The following TMEM255A variants were observed in gnomAD, a reference collection of about 807,000 sequenced individuals.
The protein encoded by TMEM255A is family with sequence similarity 70, member A.
In TMEM255A, 14 loss-of-function variants were observed where a neutral mutation model predicts 23.5. The observed-to-expected ratio is 0.60, with a 90% CI of 0.39 to 0.93. The LOEUF (loss-of-function observed/expected upper bound fraction) is 0.93. TMEM255A is among the 40% of genes least tolerant of loss of function. The probability of loss-of-function intolerance (pLI) is 0.00; values close to 1 mark genes in which losing one functional copy is unlikely to be tolerated. For missense variants in TMEM255A, 233 were observed against 261.7 expected (o/e 0.89, Z 0.76); for synonymous variants, 104 against 100.3 (o/e 1.04, Z -0.22).
intron 4 of TMEM255A, among the ~76,000 whole-genome samples, chrX:120,287,785 A>G (rs1399775492): frequency 1.8e-5 from 2 of 111,822 alleles, no homozygotes; most frequent in Non-Finnish European, 3.8e-5. Context: ...ACTGTGAGCC[A>G]TTTTCACCCA....
intron 1 of TMEM255A, chrX:120,310,161 G>A (rs1556027974): frequency 9.8e-5 from 11 of 111,865 alleles, no homozygotes; most frequent in South Asian, 3.7e-4. Context: ...AGAATGTAAA[G>A]TATGTTGGAA....
chrX:120,271,871 C>G (rs191737814), intron 7 of TMEM255A, among the ~76,000 whole-genome samples: 150 of 112,013 alleles, frequency 1.3e-3, no homozygotes, highest in Non-Finnish European at 2.5e-3. Flanking sequence ...AATGACACTT[C>G]ATCAAAATTA....
rs58027054 is a variant in TMEM255A, at chrX:120,280,418, A to ATT, written c.513-3373_513-3372dup. On this transcript the variant is annotated intron_variant, in intron 6 of 8. Transcript: ENST00000371369. ...TTTGAGTGGTTCCAGCAGCCATTTA[A>ATT]TTTTTTTTTTTCACTGAACCATGAA... Among the ~76,000 whole-genome samples the ATT allele has an allele frequency of 3.8e-3, 405 of 105,787 alleles. 1 individual carries two copies. The highest frequency in any genetic ancestry group is 4.9e-3 in the Non-Finnish European group (249 of 51,337). 91.9% of individuals were successfully genotyped at this position (105,787 alleles called of 115,157 possible).
At chrX:120,251,610 C>G in the TMEM255A span, among the ~76,000 whole-genome samples, 5 of 111,693 alleles carry the variant, frequency 4.5e-5, no homozygotes, top group Non-Finnish European at 9.4e-5. Flanking sequence ...GTTCAGCTGC[C>G]GCAGGGAGCC....
downstream of TMEM255A, chrX:120,255,049 CAG>C (rs2057628924): frequency 1.7e-6 from 2 of 1,211,790 alleles, no homozygotes; most frequent in Non-Finnish European, 1.1e-6. Flanking sequence ...ATTCATCACA[CAG>C]GGGAGCGAAG....
At chrX:120,265,888 T>C (rs1020586000) in intron 8 of TMEM255A, among the ~76,000 whole-genome samples, 2 of 108,185 alleles carry the variant, frequency 1.8e-5, no homozygotes, top group Non-Finnish European at 3.8e-5. Context: ...CTCATGCCTG[T>C]AATCCCAGCA....
At position 120,311,322 on chromosome X, in the gene TMEM255A, C is replaced by A. The variant is rs1556028370; in HGVS notation, c.-13G>T. 4.3e-6 allele frequency: 5 copies of A among 1,168,565 alleles called. No individual in the cohort carries two copies. In the African/African-American group the frequency reaches 8.9e-5, roughly 21 times the overall value. On this transcript the variant is annotated 5_prime_UTR_variant, in exon 1 of 9. Transcript: ENST00000371369. ...GGGACTGATGCATGGTGAAAACTGC[C>A]CGGTTGCCCCAGTCCCCGAAGCTGC...
chrX:120,306,417 T>C (rs1466093353), intron 1 of TMEM255A, among the ~76,000 whole-genome samples: 1 of 111,848 alleles, frequency 8.9e-6, no homozygotes, highest in Non-Finnish European at 1.9e-5. Flanking sequence ...GTTTATTTGA[T>C]GATAGATACT....
In TMEM255A at chrX:120,273,223, A is replaced by T; in HGVS notation, c.675+3662T>A. On this transcript the variant is annotated intron_variant, in intron 7 of 8. Coordinates refer to ENST00000371369, the MANE Select transcript of TMEM255A (RefSeq NM_001104544.3). Reference sequence around the variant, plus strand: ...ACAAATTTGCAAGGAATATGAGTAGAATCACAGAGCTGAAGGAAGAAACAG... The same window carrying T: ...ACAAATTTGCAAGGAATATGAGTAGTATCACAGAGCTGAAGGAAGAAACAG... 4 of 219,411 alleles carry T rather than the reference A, an allele frequency of 1.8e-5. No homozygotes were observed. In the South Asian group the frequency reaches 3.3e-4, roughly 18 times the overall value. 18.1% of individuals were successfully genotyped at this position (219,411 alleles called of 1,213,427 possible). A position where few individuals can be genotyped will look rare whatever the true frequency, so the allele number is the denominator to read the frequency against.
intron 1 of TMEM255A, chrX:120,309,865 A>ACC (rs1203297333): frequency 5.4e-5 from 6 of 110,848 alleles, no homozygotes; most frequent in Non-Finnish European, 9.5e-5. Context: ...CCTCATTTGT[A>ACC]CCCCGTTGTA....
At chrX:120,309,650 G>A (rs932902655) in intron 1 of TMEM255A, among the ~76,000 whole-genome samples, 6 of 112,435 alleles carry the variant, frequency 5.3e-5, no homozygotes, top group Non-Finnish European at 1.1e-4. Context: ...AGCTGGCCAA[G>A]GTAAGCAGTG....
In TMEM255A at chrX:120,275,784, A is replaced by ATTTTTT. The variant is rs11342181; in HGVS notation, c.675+1095_675+1100dup. Among the ~76,000 whole-genome samples, 50 of 60,248 alleles carry ATTTTTT rather than the reference A, an allele frequency of 8.3e-4. 4 individuals are homozygous for ATTTTTT. In the South Asian group the frequency reaches 0.017, roughly 20 times the overall value. 52.3% of individuals were successfully genotyped at this position (60,248 alleles called of 115,157 possible). Reference sequence around the variant, plus strand: ...GAATCTTTAGAGAAGGAGCCCAAGCATTTTTTTTTTTTTTTTTTTTTTTTT... The same window carrying ATTTTTT: ...GAATCTTTAGAGAAGGAGCCCAAGCATTTTTTTTTTTTTTTTTTTTTTTTTTTTTTT... On this transcript the variant is annotated intron_variant, in intron 7 of 8. Coordinates refer to ENST00000371369, the MANE Select transcript of TMEM255A (RefSeq NM_001104544.3).
At chrX:120,275,809 T>TC (rs2057793774) in intron 7 of TMEM255A, among the ~76,000 whole-genome samples, 1 of 95,283 alleles carries the variant, frequency 1.0e-5, no homozygotes, top group African/African-American at 3.9e-5. Flanking sequence ...TTTTTTTTTT[T>TC]AGAGACAGGG....
At chrX:120,277,479 T>C (rs560041794) in intron 6 of TMEM255A, among the ~76,000 whole-genome samples, 14 of 112,780 alleles carry the variant, frequency 1.2e-4, no homozygotes, top group African/African-American at 4.5e-4. Context: ...CCAGCCACAT[T>C]TCAAGTGCTC....
At chrX:120,280,206 C>T (rs1442941642) in intron 6 of TMEM255A, among the ~76,000 whole-genome samples, 1 of 108,146 alleles carries the variant, frequency 9.2e-6, no homozygotes, top group Non-Finnish European at 1.9e-5. Context: ...GTTGCCCAGG[C>T]TGGCCTCGAA....
At chrX:120,309,141 G>C (rs1396653865) in intron 1 of TMEM255A, among the ~76,000 whole-genome samples, 1 of 112,527 alleles carries the variant, frequency 8.9e-6, no homozygotes, top group Non-Finnish European at 1.9e-5. Context: ...GGAACTCCGG[G>C]GAGACTCCCC....
At chrX:120,300,254 T>C (rs917832423) in intron 2 of TMEM255A, among the ~76,000 whole-genome samples, 2 of 112,015 alleles carry the variant, frequency 1.8e-5, no homozygotes, top group African/African-American at 6.5e-5. Flanking sequence ...ATGAAGCTCT[T>C]GGGTTTTTAG....
intron 3 of TMEM255A, among the ~76,000 whole-genome samples, chrX:120,293,462 T>A (rs2057931151): frequency 8.9e-6 from 1 of 112,795 alleles, no homozygotes; most frequent in Admixed American, 9.3e-5. Flanking sequence ...TACTTTAGGA[T>A]GGCTTTATAA....
At chrX:120,255,210 T>C (rs782275925), downstream of TMEM255A, 23 of 1,211,780 alleles carry the variant, frequency 1.9e-5, no homozygotes, top group South Asian at 3.9e-4. Flanking sequence ...ACAATATGCA[T>C]ATCTTTCCGA....
Sources: gnomAD v4.1 joint callset for allele counts (sites outside exome capture counted in the v4.1 genomes callset) on GRCh38, gnomAD v4.1.1 for gene constraint, MANE v1.5 for transcripts, NCBI Gene and HGNC (gene_info 2026-07-23, HGNC 2026-07-21) for gene names.